The following ABCA12 variants were observed in gnomAD, a reference collection of about 807,000 sequenced individuals.
ABCA12 encodes the protein glucosylceramide transporter ABCA12.
ABCA12 carries 156 observed loss-of-function variants against 293.5 expected under a neutral mutation model. The ratio of observed to expected loss-of-function variants is 0.53; its 90% CI spans 0.47 to 0.61. The LOEUF (loss-of-function observed/expected upper bound fraction) is 0.61, where lower values mean the gene tolerates loss of function less well. Ranked by LOEUF, ABCA12 falls within the 20% of genes least tolerant of loss-of-function variation. ABCA12 has a pLI of 0.00. For synonymous variants in ABCA12, 1,063 were observed against 1,108.0 expected, an observed-to-expected ratio of 0.96 and a Z score of 0.81; for missense variants, 2,797 against 3,090.2, an observed-to-expected ratio of 0.91 and a Z score of 2.25.
At chr2:215,104,301 G>A (rs549848248) in intron 2 of ABCA12, among the ~76,000 whole-genome samples, 27 of 152,272 alleles carry the variant, frequency 1.8e-4, no homozygotes, top group Non-Finnish European at 2.1e-4. Context: ...GTACTTCAGA[G>A]ATATTTCCTA....
At position 215,118,571 on chromosome 2, in the gene ABCA12, A is replaced by G. The variant is rs146677888; in HGVS notation, c.70-6881T>C. 1.4e-4 allele frequency among the ~76,000 whole-genome samples: 21 copies of G among 152,284 alleles called. No homozygotes were observed. In the East Asian group the frequency reaches 4.1e-3, roughly 29 times the overall value. ...CATAGTTTTGGAGAGTTTTAAGGAAATTTAGAGTATAAATATAAACATATA... is the reference window on the plus strand; with the variant it reads ...CATAGTTTTGGAGAGTTTTAAGGAAGTTTAGAGTATAAATATAAACATATA... On this transcript the variant is annotated intron_variant, in intron 1 of 52. Coordinates refer to ENST00000272895, the MANE Select transcript of ABCA12 (RefSeq NM_173076.3).
At chr2:214,975,569 T>G (rs1205586818) in intron 34 of ABCA12, among the ~76,000 whole-genome samples, 1 of 152,216 alleles carries the variant, frequency 6.6e-6, no homozygotes, top group African/African-American at 2.4e-5. Flanking sequence ...TACTATAACT[T>G]TAGTTTTAGA....
At chr2:215,026,297 G>A (rs1700743193) in intron 10 of ABCA12, among the ~76,000 whole-genome samples, 1 of 152,250 alleles carries the variant, frequency 6.6e-6, no homozygotes, top group Non-Finnish European at 1.5e-5. Flanking sequence ...TCAAAAAAAA[G>A]AAACATTTGA....
At chr2:214,942,250 ACT>A (rs1460183600) in intron 50 of ABCA12, among the ~76,000 whole-genome samples, 1 of 152,174 alleles carries the variant, frequency 6.6e-6, no homozygotes, top group East Asian at 1.9e-4. Context: ...GTCACAACAG[ACT>A]CTCTAAGAGC....
At chr2:215,023,705 A>T (rs1700679688) in intron 11 of ABCA12, 1 of 152,182 alleles carries the variant, frequency 6.6e-6, no homozygotes. Flanking sequence ...TTAAGCTCCT[A>T]CTATGTGGGG....
intron 35 of ABCA12, 107 bp downstream of exon 35, chr2:214,974,671 G>T (rs1337197470): frequency 3.8e-6 from 4 of 1,051,232 alleles, no homozygotes; most frequent in Non-Finnish European, 5.9e-6. Context: ...TTCTATCAGG[G>T]TACAGCTTTC....
rs962059993 is a variant in ABCA12, at chr2:215,138,612, T to C, written c.-404A>G. Among the ~76,000 whole-genome samples the C allele has an allele frequency of 1.3e-5, 2 of 150,772 alleles. No individual in the cohort carries two copies. Among genetic ancestry groups the C allele is most frequent in the African/African-American group, 4.9e-5 (2 of 40,980 alleles). On this transcript the variant is annotated 5_prime_UTR_variant, in exon 1 of 53. Transcript: ENST00000272895. ...CCACACCTCCTACTCTCCATGAAAT[T>C]AATTGCCTATCCACACCTTAGAGAA...
chr2:215,134,646 CAGAGAG>C (rs71399174), intron 1 of ABCA12, among the ~76,000 whole-genome samples: 8,036 of 93,156 alleles, frequency 0.086, 1,213 homozygotes, highest in African/African-American at 0.19. Flanking sequence ...GAGAGACAAA[CAGAGAG>C]AGAGAGAGAG....
chr2:215,072,512 T>A (rs1701757232), intron 2 of ABCA12, among the ~76,000 whole-genome samples: 1 of 152,100 alleles, frequency 6.6e-6, no homozygotes, highest in South Asian at 2.1e-4. Flanking sequence ...TAGTGTACAC[T>A]TGAATTGATG....
chr2:215,025,467 T>A, intron 11 of ABCA12: 1 of 511,802 alleles, frequency 2.0e-6, no homozygotes, highest in East Asian at 3.5e-5. Flanking sequence ...AGCCATAAAC[T>A]CTTTTGTCAC....
chr2:215,075,521 A>G (rs1331367234), intron 2 of ABCA12: 3 of 693,440 alleles, frequency 4.3e-6, no homozygotes, highest in Non-Finnish European at 5.2e-6. Context: ...TTGTGCAATC[A>G]TAACCCTGTA....
At position 214,978,178 on chromosome 2, in the gene ABCA12, G is replaced by C. The variant is rs1303057842; in HGVS notation, c.5128+138C>G. ...GAATATTTTATATCTTAAAAAAGGA[G>C]GCTTAAATTTCCTTAGTGTTTTTTG... On this transcript the variant is annotated intron_variant, in intron 33 of 52. Coordinates refer to ENST00000272895, the MANE Select transcript of ABCA12 (RefSeq NM_173076.3). 11 of 961,364 alleles carry C rather than the reference G, an allele frequency of 1.1e-5. No individual in the cohort carries two copies. In the East Asian group the frequency reaches 2.9e-4, roughly 25 times the overall value. 59.6% of individuals were successfully genotyped at this position (961,364 alleles called of 1,614,324 possible).
chr2:214,948,955 C>A, intron 46 of ABCA12, 85 bp downstream of exon 46: 1 of 1,332,338 alleles, frequency 7.5e-7, no homozygotes, highest in Non-Finnish European at 1.1e-6. Flanking sequence ...AATATAACCA[C>A]AAAATAACAT....
intron 7 of ABCA12, among the ~76,000 whole-genome samples, chr2:215,043,923 A>C (rs1701152371): frequency 1.3e-5 from 2 of 152,064 alleles, no homozygotes; most frequent in Admixed American, 1.3e-4. Flanking sequence ...ATCTACATAC[A>C]CAGTATATAT....
rs61054264 is a variant in ABCA12, at chr2:215,074,682, G to T, written c.164-10463C>A. 5.3e-3 allele frequency among the ~76,000 whole-genome samples: 800 copies of T among 152,144 alleles called. 14 individuals are homozygous for T. Among genetic ancestry groups the T allele is most frequent in the African/African-American group, 0.019 (777 of 41,490 alleles). On this transcript the variant is annotated intron_variant, in intron 2 of 52. Transcript: ENST00000272895. ...AAATAGGCCAGGCGTGGAGGCTCACGCCTGTAATCCCAGCACTTTGGGAGG... is the reference window on the plus strand; with the variant it reads ...AAATAGGCCAGGCGTGGAGGCTCACTCCTGTAATCCCAGCACTTTGGGAGG...
At position 214,948,630 on chromosome 2, in the gene ABCA12, C is replaced by A. The variant is rs749848420; in HGVS notation, c.7070G>T (p.Arg2357Met). Residue 2357 changes from arginine to methionine, a missense_variant, in exon 47 of 53, where the codon AGG becomes ATG. This residue lies in a region of ABCA12 where 2,130 missense variants were observed against 2,427.0 expected (regional missense o/e 0.88). Coordinates refer to ENST00000272895, the MANE Select transcript of ABCA12 (RefSeq NM_173076.3). ...ATCCTTTTCTGGAATTCCATGTACC[C>A]TGGCATAGAAATACAAATGTTCTTC... ...TVEEHLYFYARVHGIPEKDIK... is the reference protein window; with the variant it reads ...TVEEHLYFYAMVHGIPEKDIK... The A allele has an allele frequency of 1.2e-6, 2 of 1,614,034 alleles. No homozygotes were observed. The highest frequency in any genetic ancestry group is 1.7e-6 in the Non-Finnish European group (2 of 1,179,952).
chr2:214,943,315 A>G (rs1374030348), intron 49 of ABCA12, among the ~76,000 whole-genome samples: 1 of 150,544 alleles, frequency 6.6e-6, no homozygotes, highest in African/African-American at 2.4e-5. Context: ...TTTAATTTTA[A>G]TTTTTTTTTG....
At chr2:215,062,072 G>T (rs1559173033) in intron 3 of ABCA12, among the ~76,000 whole-genome samples, 1 of 152,004 alleles carries the variant, frequency 6.6e-6, no homozygotes. Flanking sequence ...TCTTTGTGAA[G>T]ATTTACCTGA....
At chr2:215,134,106 C>T (rs1189162717) in intron 1 of ABCA12, among the ~76,000 whole-genome samples, 1 of 151,760 alleles carries the variant, frequency 6.6e-6, no homozygotes, top group African/African-American at 2.4e-5. Flanking sequence ...AGGGAAGTCA[C>T]CACCAAAATT....
Sources: allele counts gnomAD v4.1 joint callset (sites outside exome capture counted in the v4.1 genomes callset), GRCh38; gene constraint gnomAD v4.1.1; regional missense constraint gnomAD v4.1.1; transcripts MANE v1.5; gene names NCBI Gene and HGNC (gene_info 2026-07-23, HGNC 2026-07-21).